The following SNTB2 variants were observed in gnomAD, a reference collection of about 807,000 sequenced individuals.
The protein encoded by SNTB2 is beta-2-syntrophin.
SNTB2 carries 34 observed loss-of-function variants against 46.2 expected under a neutral mutation model. The observed-to-expected ratio is 0.74, with a 90% CI of 0.56 to 0.98. SNTB2 has a LOEUF of 0.98. Among genes scored for constraint, SNTB2 ranks in the 50% least tolerant of loss-of-function variants. SNTB2 has a pLI of 0.00. For missense variants in SNTB2, 603 were observed against 731.4 expected (o/e 0.82, Z 2.02); for synonymous variants, 290 against 312.6 (o/e 0.93, Z 0.76).
intron 1 of SNTB2, among the ~76,000 whole-genome samples, chr16:69,224,661 C>T (rs969816873): frequency 1.2e-4 from 19 of 152,166 alleles, no homozygotes; most frequent in Admixed American, 1.2e-3. Flanking sequence ...CTATTTATCT[C>T]ATGCCTACTA....
At chr16:69,254,690 C>A (rs1197091118) in intron 2 of SNTB2, among the ~76,000 whole-genome samples, 2 of 152,166 alleles carry the variant, frequency 1.3e-5, no homozygotes, top group Non-Finnish European at 2.9e-5. Flanking sequence ...CCCAAATATA[C>A]AGAGGGACCA....
At chr16:69,290,073 G>A (rs975623922) in intron 5 of SNTB2, among the ~76,000 whole-genome samples, 3 of 152,140 alleles carry the variant, frequency 2.0e-5, no homozygotes, top group East Asian at 1.9e-4. Flanking sequence ...AAAATGTGAC[G>A]AGTAAATTCA....
At chr16:69,223,685 G>T (rs1016496037) in intron 1 of SNTB2, among the ~76,000 whole-genome samples, 1 of 151,850 alleles carries the variant, frequency 6.6e-6, no homozygotes. Context: ...CTGGAGTGCA[G>T]TGGCCCAATC....
intron 4 of SNTB2, among the ~76,000 whole-genome samples, chr16:69,276,406 C>T (rs1187134785): frequency 6.6e-6 from 1 of 152,168 alleles, no homozygotes; most frequent in East Asian, 1.9e-4. Context: ...ATTCCCTTTG[C>T]CAAATATTTC....
At chr16:69,223,533 G>A (rs1964427872) in intron 1 of SNTB2, among the ~76,000 whole-genome samples, 1 of 151,822 alleles carries the variant, frequency 6.6e-6, no homozygotes, top group African/African-American at 2.4e-5. Flanking sequence ...GTCTCTTTAT[G>A]GTTTTCACCC....
intron 1 of SNTB2, among the ~76,000 whole-genome samples, chr16:69,210,968 G>A (rs1258756507): frequency 6.6e-6 from 1 of 152,080 alleles, no homozygotes; most frequent in Non-Finnish European, 1.5e-5. Context: ...TCCAGCCTGG[G>A]CCACAGAGCG....
At chr16:69,203,798 A>G (rs1003927849) in intron 1 of SNTB2, among the ~76,000 whole-genome samples, 1 of 150,538 alleles carries the variant, frequency 6.6e-6, no homozygotes, top group African/African-American at 2.5e-5. Context: ...GCGGAGTTTC[A>G]CTCTTCTTGC....
Position 69,226,720 on chromosome 16 carries a change from G to C in SNTB2, c.581-18882G>C, listed in dbSNP as rs549881950. 4.6e-5 allele frequency among the ~76,000 whole-genome samples: 7 copies of C among 152,074 alleles called. No homozygotes were observed. The East Asian group carries it at 1.2e-3, about 25-fold the overall frequency. ...AATTTTTAAATTGTTTTGTAAAGACGGGGTCTCGCTATGTTGCCCAAGCTG... is the reference window on the plus strand; with the variant it reads ...AATTTTTAAATTGTTTTGTAAAGACCGGGTCTCGCTATGTTGCCCAAGCTG... On this transcript the variant is annotated intron_variant, in intron 1 of 6. Coordinates refer to ENST00000336278, the MANE Select transcript of SNTB2 (RefSeq NM_006750.4).
intron 5 of SNTB2, among the ~76,000 whole-genome samples, chr16:69,296,074 G>A (rs577923396): frequency 1.0e-3 from 156 of 152,088 alleles, no homozygotes; most frequent in Non-Finnish European, 1.6e-3. Flanking sequence ...GAGGTCGGGA[G>A]TTCGAGACCA....
At chr16:69,285,669 T>C (rs954629857) in intron 5 of SNTB2, among the ~76,000 whole-genome samples, 1 of 151,738 alleles carries the variant, frequency 6.6e-6, no homozygotes, top group Non-Finnish European at 1.5e-5. Context: ...TTTTTTTTTT[T>C]TAAGTAGAGA....
intron 1 of SNTB2, among the ~76,000 whole-genome samples, chr16:69,228,505 C>CAAAA (rs778681180): frequency 2.0e-4 from 10 of 50,132 alleles, no homozygotes; most frequent in Admixed American, 4.2e-4. Context: ...GACTCTATCT[C>CAAAA]AAAAAAAAAA....
chr16:69,253,185 C>T (rs1313517016), intron 2 of SNTB2, among the ~76,000 whole-genome samples: 1 of 151,728 alleles, frequency 6.6e-6, no homozygotes, highest in Admixed American at 6.6e-5. Context: ...AGGCGTGAGC[C>T]ACCACACCTG....
At chr16:69,273,129 G>A (rs535158503) in intron 4 of SNTB2, among the ~76,000 whole-genome samples, 1 of 152,282 alleles carries the variant, frequency 6.6e-6, no homozygotes, top group Admixed American at 6.5e-5. Flanking sequence ...TTCATACACT[G>A]CTGGTGAGAA....
At chr16:69,259,224 T>G (rs1480566562) in intron 2 of SNTB2, among the ~76,000 whole-genome samples, 3 of 150,476 alleles carry the variant, frequency 2.0e-5, no homozygotes, top group Admixed American at 2.0e-4. Flanking sequence ...CTAGCCCAAG[T>G]TGGTCTTTCT....
intron 1 of SNTB2, chr16:69,235,591 G>T (rs1456269213): frequency 2.7e-6 from 2 of 744,420 alleles, no homozygotes. Flanking sequence ...GTGGGGGAGG[G>T]GGGAACTAAA....
At chr16:69,243,710 A>G (rs749851089) in intron 1 of SNTB2, among the ~76,000 whole-genome samples, 41 of 152,276 alleles carry the variant, frequency 2.7e-4, no homozygotes, top group African/African-American at 9.9e-4. Context: ...TGAAGTATGT[A>G]TTGAAATGCT....
At chr16:69,297,982 A>G (rs981289217) in intron 5 of SNTB2, among the ~76,000 whole-genome samples, 5 of 152,196 alleles carry the variant, frequency 3.3e-5, no homozygotes, top group African/African-American at 9.6e-5. Context: ...TCTGTCACCC[A>G]GGCTAGAGTG....
At chr16:69,207,303 G>A (rs1964232903) in intron 1 of SNTB2, among the ~76,000 whole-genome samples, 1 of 151,710 alleles carries the variant, frequency 6.6e-6, no homozygotes, top group African/African-American at 2.4e-5. Flanking sequence ...ATAGGCGTGT[G>A]CCACCACGCC....
chr16:69,189,794 C>T (rs1964033386), intron 1 of SNTB2, among the ~76,000 whole-genome samples: 1 of 152,168 alleles, frequency 6.6e-6, no homozygotes, highest in South Asian at 2.1e-4. Context: ...ATAGTTTGAA[C>T]CTAGTATTCA....
Sources: gnomAD v4.1 joint callset for allele counts (sites outside exome capture counted in the v4.1 genomes callset) on GRCh38, gnomAD v4.1.1 for gene constraint, MANE v1.5 for transcripts, NCBI Gene and HGNC (gene_info 2026-07-23, HGNC 2026-07-21) for gene names.